The following RBBP8 variants were observed in gnomAD, a reference collection of about 807,000 sequenced individuals.
The protein encoded by RBBP8 is RB binding protein 8, endonuclease.
RBBP8 carries 88 observed loss-of-function variants against 108.3 expected under a neutral mutation model. That is an observed-to-expected ratio of 0.81 (90% CI 0.68 to 0.97). RBBP8 has a LOEUF of 0.97. Ranked by LOEUF, RBBP8 falls within the 50% of genes least tolerant of loss-of-function variation. The pLI, the probability that RBBP8 is intolerant of heterozygous loss-of-function variation, is 0.00. For synonymous variants in RBBP8, 332 were observed against 348.2 expected (o/e 0.95, Z 0.52); for missense variants, 1,023 against 1,049.0 (o/e 0.98, Z 0.34).
intron 4 of RBBP8, among the ~76,000 whole-genome samples, chr18:22,965,959 A>C (rs976924638): frequency 6.6e-6 from 1 of 152,086 alleles, no homozygotes; most frequent in African/African-American, 2.4e-5. Context: ...TTTTTATTTT[A>C]TTTATTTAAA....
chr18:22,961,193 C>T (rs1913072713), intron 4 of RBBP8, among the ~76,000 whole-genome samples: 1 of 152,188 alleles, frequency 6.6e-6, no homozygotes, highest in Non-Finnish European at 1.5e-5. Flanking sequence ...GAAAAACTTG[C>T]ATGTGTAGCT....
intron 1 of RBBP8, among the ~76,000 whole-genome samples, chr18:22,915,149 C>T (rs1264930316): frequency 6.6e-6 from 1 of 152,040 alleles, no homozygotes; most frequent in Non-Finnish European, 1.5e-5. Flanking sequence ...TAACAGCTGA[C>T]ATATGATTTT....
intron 5 of RBBP8, among the ~76,000 whole-genome samples, chr18:22,974,691 C>T (rs992447304): frequency 1.3e-4 from 20 of 152,176 alleles, no homozygotes; most frequent in African/African-American, 4.8e-4. Flanking sequence ...AACTCCTCAC[C>T]TCAAATGATC....
upstream of RBBP8, chr18:22,929,523 G>GGGGTGT (rs371099146): frequency 1.2e-3 from 137 of 118,654 alleles, 3 homozygotes; most frequent in East Asian, 0.021. Flanking sequence ...GAGACAGGCG[G>GGGGTGT]GTGTGTGTGT....
At position 23,001,552 on chromosome 18, in the gene RBBP8, G is replaced by C. The variant is rs771388305; in HGVS notation, c.2144-34G>C. On this transcript the variant is annotated intron_variant, in intron 14 of 18. Transcript: ENST00000327155. ...TGGTCTACATATTAAGCAAAAGCTT[G>C]CTTATTGCCCTAAGCCAGTGCTCTT... 10 of 1,613,532 alleles carry C rather than the reference G, an allele frequency of 6.2e-6. No individual in the cohort carries two copies. The East Asian group carries it at 2.0e-4, about 32-fold the overall frequency.
intron 16 of RBBP8, among the ~76,000 whole-genome samples, chr18:23,008,016 G>A (rs1480033257): frequency 6.6e-6 from 1 of 151,914 alleles, no homozygotes; most frequent in African/African-American, 2.4e-5. Flanking sequence ...GTTTCACCAT[G>A]TTAGCCAATA....
chr18:23,007,071 A>C (rs1598737266), intron 16 of RBBP8, among the ~76,000 whole-genome samples: 1 of 139,812 alleles, frequency 7.2e-6, no homozygotes, highest in Non-Finnish European at 1.5e-5. Context: ...CCCCGGCTGG[A>C]GTACAGTGGC....
chr18:22,929,614 T>A (rs1909947296), upstream of RBBP8, among the ~76,000 whole-genome samples: 2 of 151,558 alleles, frequency 1.3e-5, no homozygotes, highest in African/African-American at 4.8e-5. Context: ...GTTTCTCAAA[T>A]CTCAAGTGAG....
At chr18:22,963,629 T>A (rs1913307694) in intron 4 of RBBP8, among the ~76,000 whole-genome samples, 1 of 152,224 alleles carries the variant, frequency 6.6e-6, no homozygotes. Context: ...CAGAGGTTCC[T>A]TTTACTGCTT....
At chr18:22,999,736 A>G (rs570727524) in intron 14 of RBBP8, among the ~76,000 whole-genome samples, 2 of 152,168 alleles carry the variant, frequency 1.3e-5, no homozygotes, top group African/African-American at 4.8e-5. Context: ...ATTCCATATT[A>G]CTGCCAGTAT....
At chr18:23,007,312 C>T (rs2046070740) in intron 16 of RBBP8, among the ~76,000 whole-genome samples, 1 of 152,076 alleles carries the variant, frequency 6.6e-6, no homozygotes, top group African/African-American at 2.4e-5. Flanking sequence ...TGAGCCACCA[C>T]ACCCAGCCTG....
intron 16 of RBBP8, among the ~76,000 whole-genome samples, chr18:23,009,888 A>G (rs767901436): frequency 3.3e-5 from 5 of 152,172 alleles, no homozygotes; most frequent in Non-Finnish European, 7.3e-5. Context: ...CAGCCTCCCG[A>G]GTAGCTAGGA....
chr18:22,970,455 C>T (rs750028050), intron 5 of RBBP8, among the ~76,000 whole-genome samples: 4 of 152,044 alleles, frequency 2.6e-5, no homozygotes, highest in Non-Finnish European at 5.9e-5. Flanking sequence ...CATTGTATGC[C>T]ATAGTATAGG....
chr18:22,976,828 A>G (rs1366684225), intron 6 of RBBP8, among the ~76,000 whole-genome samples: 3 of 152,062 alleles, frequency 2.0e-5, no homozygotes, highest in African/African-American at 7.2e-5. Context: ...ACAGAATTAG[A>G]TAGACGATTG....
intron 4 of RBBP8, among the ~76,000 whole-genome samples, chr18:22,957,793 A>G (rs943215991): frequency 6.6e-6 from 1 of 152,220 alleles, no homozygotes; most frequent in African/African-American, 2.4e-5. Context: ...CCTTTTTCAC[A>G]GATACTATTA....
intron 6 of RBBP8, among the ~76,000 whole-genome samples, chr18:22,979,151 C>T (rs1206045042): frequency 2.0e-4 from 30 of 152,132 alleles, no homozygotes; most frequent in Admixed American, 2.0e-3. Context: ...CAGCTGTAGT[C>T]CCAGCTACTC....
At position 22,927,935 on chromosome 18, in the gene RBBP8, G is replaced by A. The variant is rs186730638; in HGVS notation, c.-153-1448G>A. Among the ~76,000 whole-genome samples, 28 of 150,810 alleles carry A rather than the reference G, an allele frequency of 1.9e-4. No individual in the cohort carries two copies. The South Asian group carries it at 3.3e-3, about 18-fold the overall frequency. On this transcript the variant is annotated intron_variant, in intron 3 of 4. Coordinates refer to the RBBP8 transcript ENST00000577588. The stretch of plus-strand genomic sequence containing the variant: ...AAAAAGCAGGAAAACAGGGCTGGGC[G>A]TGGTGGCTCATGCCTGTAATCCCAG...
At chr18:23,024,076 G>A (rs1256199702) in intron 18 of RBBP8, among the ~76,000 whole-genome samples, 2 of 147,414 alleles carry the variant, frequency 1.4e-5, no homozygotes, top group African/African-American at 2.5e-5. Context: ...GTAGAGACGG[G>A]GTTTCACCAT....
At chr18:23,018,513 C>T (rs549600360) in intron 17 of RBBP8, among the ~76,000 whole-genome samples, 2 of 152,314 alleles carry the variant, frequency 1.3e-5, no homozygotes, top group African/African-American at 2.4e-5. Flanking sequence ...ACCAAAATCA[C>T]GGATGCTCAA....
Sources: gnomAD v4.1 joint callset for allele counts (sites outside exome capture counted in the v4.1 genomes callset) on GRCh38, gnomAD v4.1.1 for gene constraint, MANE v1.5 for transcripts, NCBI Gene and HGNC (gene_info 2026-07-23, HGNC 2026-07-21) for gene names.